CNTNAP5: variants seen among roughly 807,000 people sequenced by gnomAD.
CNTNAP5 encodes the protein contactin associated protein family member 5.
In CNTNAP5, 72 loss-of-function variants were observed where a neutral mutation model predicts 150.2. The observed-to-expected ratio is 0.48, with a 90% CI of 0.40 to 0.58. CNTNAP5 has a LOEUF of 0.58. CNTNAP5 is among the 20% of genes least tolerant of loss of function. The pLI, the probability that CNTNAP5 is intolerant of heterozygous loss-of-function variation, is 0.00. For missense variants in CNTNAP5, 1,636 were observed against 1,626.2 expected (o/e 1.01, Z -0.10); for synonymous variants, 672 against 619.8 (o/e 1.08, Z -1.25).
rs557518022 is a variant in CNTNAP5 at position 124,042,461 on chromosome 2, C to T, written c.82+16729C>T. On this transcript the variant is annotated intron_variant, in intron 1 of 23. Coordinates refer to ENST00000682447, the MANE Select transcript of CNTNAP5 (RefSeq NM_001367498.1). ...AGGAGTAATGGCCTGGCTGTACTGT[C>T]CTCATAGGCTTTAGACAGACAAGGA... 1.5e-4 allele frequency among the ~76,000 whole-genome samples: 23 copies of T among 152,120 alleles called. No individual in the cohort carries two copies. The South Asian group carries it at 3.5e-3, about 23-fold the overall frequency.
intron 6 of CNTNAP5, among the ~76,000 whole-genome samples, chr2:124,467,363 C>T (rs965847703): frequency 2.7e-5 from 4 of 150,788 alleles, no homozygotes; most frequent in Non-Finnish European, 4.4e-5. Flanking sequence ...AATCAGAAGC[C>T]AGCAGAACTA....
chr2:124,432,740 A>T (rs1692422020), intron 4 of CNTNAP5, among the ~76,000 whole-genome samples: 1 of 152,218 alleles, frequency 6.6e-6, no homozygotes, highest in Admixed American at 6.5e-5. Context: ...AAAACATGAC[A>T]GAAAAAGAAG....
At chr2:124,640,297 T>C (rs747670576) in intron 12 of CNTNAP5, among the ~76,000 whole-genome samples, 24 of 151,828 alleles carry the variant, frequency 1.6e-4, no homozygotes, top group Non-Finnish European at 7.4e-5. Context: ...ACATAAAAAG[T>C]AAAGGCTAAA....
Position 124,157,118 on chromosome 2 carries a change from C to T in CNTNAP5, c.83-64587C>T, listed in dbSNP as rs1020326752. ...GTTTATTCAAGTGTAAAATGAAGAA[C>T]GTGGTTAAAGTCTTTGAGGATTCTT... On this transcript the variant is annotated intron_variant, in intron 1 of 23. Coordinates refer to ENST00000682447, the MANE Select transcript of CNTNAP5 (RefSeq NM_001367498.1). Among the ~76,000 whole-genome samples the T allele has an allele frequency of 4.6e-5, 7 of 152,114 alleles. No individual in the cohort carries two copies. In the East Asian group the frequency reaches 7.7e-4, roughly 17 times the overall value.
chr2:124,450,259 G>GAT lies in CNTNAP5; in HGVS notation c.918+3334_918+3335dup, dbSNP rs767621587. ...TATATATACTCTGATATATACTTCT[G>GAT]ATATATATATATACTCTGATATATA... On this transcript the variant is annotated intron_variant, in intron 6 of 23. Transcript: ENST00000682447. 3.8e-3 allele frequency among the ~76,000 whole-genome samples: 571 copies of GAT among 150,176 alleles called. 6 individuals carry two copies. The highest frequency in any genetic ancestry group is 0.01 in the African/African-American group (421 of 40,870).
At chr2:124,222,304 T>C (rs1686341486) in intron 2 of CNTNAP5, among the ~76,000 whole-genome samples, 1 of 152,250 alleles carries the variant, frequency 6.6e-6, no homozygotes, top group South Asian at 2.1e-4. Context: ...GTTAAGTATA[T>C]GGTGTTTATC....
chr2:124,282,507 T>G (rs752256449), intron 3 of CNTNAP5, among the ~76,000 whole-genome samples: 1 of 152,192 alleles, frequency 6.6e-6, no homozygotes, highest in Non-Finnish European at 1.5e-5. Flanking sequence ...CAGAATATGC[T>G]CACAGCACCA....
chr2:124,337,163 T>C (rs1293608984), intron 3 of CNTNAP5, among the ~76,000 whole-genome samples: 8 of 152,144 alleles, frequency 5.3e-5, no homozygotes, highest in Non-Finnish European at 8.8e-5. Context: ...TTTGGCTGCA[T>C]AAATGTCTTT....
At chr2:124,487,668 G>A (rs1693918652) in intron 7 of CNTNAP5, among the ~76,000 whole-genome samples, 2 of 151,860 alleles carry the variant, frequency 1.3e-5, no homozygotes, top group South Asian at 2.1e-4. Context: ...ATGTGCATGG[G>A]CACATATAAT....
At chr2:124,404,366 G>A (rs1691514208) in intron 3 of CNTNAP5, among the ~76,000 whole-genome samples, 1 of 150,764 alleles carries the variant, frequency 6.6e-6, no homozygotes, top group Admixed American at 6.6e-5. Context: ...GTGTAGGTCG[G>A]CTGGCTACAG....
At chr2:124,884,070 T>A (rs74943481) in intron 21 of CNTNAP5, among the ~76,000 whole-genome samples, 2,293 of 152,242 alleles carry the variant, frequency 0.015, 55 homozygotes, top group African/African-American at 0.052. Flanking sequence ...TATGTGTATG[T>A]GCATATCTGT....
chr2:124,215,388 T>C (rs1355085618), intron 1 of CNTNAP5, among the ~76,000 whole-genome samples: 3 of 152,028 alleles, frequency 2.0e-5, no homozygotes, highest in Admixed American at 6.6e-5. Context: ...TTTTAAAGAG[T>C]CAATGATAAT....
intron 13 of CNTNAP5, among the ~76,000 whole-genome samples, chr2:124,695,092 G>A (rs1044931852): frequency 4.0e-5 from 6 of 151,452 alleles, no homozygotes; most frequent in East Asian, 3.9e-4. Context: ...TTTCTCCATC[G>A]CTTTCTTCAG....
In CNTNAP5 at chr2:124,771,172, G is replaced by A. The variant is rs570519958; in HGVS notation, c.2534-1627G>A. On this transcript the variant is annotated intron_variant, in intron 16 of 23. Transcript: ENST00000682447. ...GTGGAGTTTGTCTTTTGGCATTTCC[G>A]ATAATTTAAATCTGGCAGTTGATGA... is the stretch of plus-strand genomic sequence containing the variant. Among the ~76,000 whole-genome samples, 4 of 152,212 alleles carry A rather than the reference G, an allele frequency of 2.6e-5. No individual in the cohort carries two copies. The South Asian group carries it at 6.2e-4, about 24-fold the overall frequency.
At position 124,597,032 on chromosome 2, in the gene CNTNAP5, T is replaced by TAGG. The variant is rs1696843436; in HGVS notation, c.1757-12769_1757-12768insAGG. On this transcript the variant is annotated intron_variant, in intron 11 of 23. Coordinates refer to ENST00000682447, the MANE Select transcript of CNTNAP5 (RefSeq NM_001367498.1). ...TCCTTTTATTTTGAGCCTATGTGTG[T>TAGG]CTCTGTACGTGAGATGGGTTTCCTG... 2.1e-3 allele frequency among the ~76,000 whole-genome samples: 6 copies of TAGG among 2,800 alleles called. No homozygotes were observed. The South Asian group carries it at 0.5, about 233-fold the overall frequency. The allele number at this position is 2,800 out of a possible 152,430, so 1.8% of individuals were successfully genotyped here. A position where few individuals can be genotyped will look rare whatever the true frequency, so the allele number is the denominator to read the frequency against.
rs558182684 is a variant in CNTNAP5, at chr2:124,750,831, A to G, written c.2234+3446A>G. On this transcript the variant is annotated intron_variant, in intron 14 of 23. Transcript: ENST00000682447. The stretch of plus-strand genomic sequence containing the variant: ...AAACCCCATCTCTACTAAAAATACA[A>G]AAATTAGCTGGGCATGGTGGTGCGT... Among the ~76,000 whole-genome samples, 14 of 152,034 alleles carry G rather than the reference A, an allele frequency of 9.2e-5. No individual in the cohort carries two copies. The East Asian group carries it at 2.7e-3, about 30-fold the overall frequency.
At chr2:124,707,303 A>C (rs1679711681) in intron 13 of CNTNAP5, among the ~76,000 whole-genome samples, 2 of 152,118 alleles carry the variant, frequency 1.3e-5, no homozygotes, top group Admixed American at 6.6e-5. Flanking sequence ...GCAAGAGAGA[A>C]AAGATGAGGC....
rs1051343688 is a variant in CNTNAP5 at position 124,861,366 on chromosome 2, A to G, written c.3218-3940A>G. Among the ~76,000 whole-genome samples the G allele has an allele frequency of 2.0e-5, 3 of 151,996 alleles. No individual in the cohort carries two copies. In the East Asian group the frequency reaches 5.8e-4, roughly 29 times the overall value. On this transcript the variant is annotated intron_variant, in intron 19 of 23. Transcript: ENST00000682447. The stretch of plus-strand genomic sequence containing the variant: ...GACGGGTGGATCACCTGAGGTCAGG[A>G]GATCAAGAGCAGCCTCGCCAAGATG...
At chr2:124,089,332 C>T (rs1289272376) in intron 1 of CNTNAP5, among the ~76,000 whole-genome samples, 4 of 151,672 alleles carry the variant, frequency 2.6e-5, no homozygotes, top group Non-Finnish European at 4.4e-5. Flanking sequence ...CTGTACTGGG[C>T]GTTTGACTTG....
Sources: allele counts gnomAD v4.1 joint callset (sites outside exome capture counted in the v4.1 genomes callset), GRCh38; gene constraint gnomAD v4.1.1; transcripts MANE v1.5; gene names NCBI Gene and HGNC (gene_info 2026-07-23, HGNC 2026-07-21).